TXNL1: variants seen among roughly 807,000 people sequenced by gnomAD.
TXNL1 encodes the protein thioredoxin-like protein 1.
A neutral mutation model predicts 35.5 loss-of-function variants in TXNL1; 14 were observed. The observed-to-expected ratio is 0.39, with a 90% confidence interval of 0.26 to 0.62. The LOEUF is 0.62. Ranked by LOEUF, TXNL1 falls within the 20% of genes least tolerant of loss-of-function variation. The pLI, the probability that TXNL1 is intolerant of heterozygous loss-of-function variation, is 0.47. For missense variants in TXNL1, 263 were observed against 349.7 expected (o/e 0.75, Z 1.98); for synonymous variants, 110 against 115.5 (o/e 0.95, Z 0.31).
chr18:56,623,280 T>C (rs192569357), intron 3 of TXNL1, among the ~76,000 whole-genome samples: 1 of 152,194 alleles, frequency 6.6e-6, no homozygotes, highest in Non-Finnish European at 1.5e-5. Context: ...ATACAAAAAT[T>C]AGCTGGGCAT....
At chr18:56,617,944 A>G in intron 4 of TXNL1, 60 bp downstream of exon 4, 1 of 1,585,482 alleles carries the variant, frequency 6.3e-7, no homozygotes. Context: ...TGGGAACAAG[A>G]AACAAGAGCA....
chr18:56,638,190 G>A (rs1046468578), intron 1 of TXNL1, among the ~76,000 whole-genome samples, 153 bp downstream of exon 1: 3 of 152,230 alleles, frequency 2.0e-5, no homozygotes, highest in African/African-American at 7.2e-5. Flanking sequence ...GTTCACACCC[G>A]AGAAACGAGG....
At chr18:56,637,453 G>C (rs1431060963) in intron 1 of TXNL1, among the ~76,000 whole-genome samples, 1 of 152,204 alleles carries the variant, frequency 6.6e-6, no homozygotes, top group Non-Finnish European at 1.5e-5. Flanking sequence ...GGAGAGATCT[G>C]TGAAACACAC....
intron 1 of TXNL1, among the ~76,000 whole-genome samples, chr18:56,632,364 C>T (rs1256878827): frequency 6.6e-6 from 1 of 152,124 alleles, no homozygotes; most frequent in Admixed American, 6.5e-5. Flanking sequence ...AATCGGCAGG[C>T]TTAATCACAA....
intron 7 of TXNL1, among the ~76,000 whole-genome samples, chr18:56,607,992 A>G (rs879730115): frequency 6.6e-5 from 10 of 152,234 alleles, no homozygotes; most frequent in African/African-American, 1.7e-4. Flanking sequence ...TTGAACCATC[A>G]TAAGTTGGGA....
At chr18:56,604,512 G>A (rs780913085) in intron 7 of TXNL1, 3 of 152,098 alleles carry the variant, frequency 2.0e-5, no homozygotes, top group Non-Finnish European at 4.4e-5. Flanking sequence ...ATTCCAACAT[G>A]GATTGTCATC....
chr18:56,633,756 C>T (rs766306921), intron 1 of TXNL1, among the ~76,000 whole-genome samples: 161 of 151,814 alleles, frequency 1.1e-3, no homozygotes, highest in Non-Finnish European at 1.3e-3. Flanking sequence ...GAGGCCGAGG[C>T]GGGCAGATCA....
In TXNL1 at chr18:56,599,288, A is replaced by C. The variant is rs1298678811; in HGVS notation, c.*3739T>G. 1 of 152,036 alleles carries C rather than the reference A, an allele frequency of 6.6e-6. No individual in the cohort carries two copies. The highest frequency in any genetic ancestry group is 1.5e-5 in the Non-Finnish European group (1 of 68,004). 9.4% of individuals were successfully genotyped at this position (152,036 alleles called of 1,614,324 possible). ...ATAGTGCTGAGCATGTTAAAAAAAA[A>C]AAAAAACCTTATTGATCAAAAATAA... On this transcript the variant is annotated 3_prime_UTR_variant, in exon 8 of 8. Coordinates refer to ENST00000217515, the MANE Select transcript of TXNL1 (RefSeq NM_004786.3).
At chr18:56,637,649 C>G (rs998329623) in intron 1 of TXNL1, among the ~76,000 whole-genome samples, 2 of 152,180 alleles carry the variant, frequency 1.3e-5, no homozygotes, top group African/African-American at 4.8e-5. Context: ...AGAGCCGGGT[C>G]AAACTAAGAC....
intron 7 of TXNL1, chr18:56,609,167 T>C (rs1292958512): frequency 6.6e-6 from 1 of 152,120 alleles, no homozygotes; most frequent in Non-Finnish European, 1.5e-5. Flanking sequence ...CCTTCAATAG[T>C]ATTTAATAAT....
At chr18:56,607,097 T>C (rs968341096) in intron 7 of TXNL1, among the ~76,000 whole-genome samples, 1 of 152,006 alleles carries the variant, frequency 6.6e-6, no homozygotes, top group Non-Finnish European at 1.5e-5. Flanking sequence ...TCAAGCGATC[T>C]TCCCACCTCA....
intron 4 of TXNL1, among the ~76,000 whole-genome samples, chr18:56,616,864 T>A (rs560152845): frequency 1.1e-4 from 17 of 152,176 alleles, no homozygotes; most frequent in Non-Finnish European, 2.1e-4. Flanking sequence ...GAAGGCCACA[T>A]AAGGGAAGAG....
At chr18:56,604,363 A>G (rs2023855737) in intron 7 of TXNL1, 1 of 152,238 alleles carries the variant, frequency 6.6e-6, no homozygotes, top group African/African-American at 2.4e-5. Flanking sequence ...TAGATTAAGC[A>G]AAAGAAAACA....
rs1274875799 is a variant in TXNL1, at chr18:56,598,801, T to C, written c.*4226A>G. 5 of 152,208 alleles carry C rather than the reference T, an allele frequency of 3.3e-5. No homozygotes were observed. The highest frequency in any genetic ancestry group is 7.3e-5 in the Non-Finnish European group (5 of 68,036). 9.4% of individuals were successfully genotyped at this position (152,208 alleles called of 1,614,324 possible). A position where few individuals can be genotyped will look rare whatever the true frequency, so the allele number is the denominator to read the frequency against. On this transcript the variant is annotated 3_prime_UTR_variant, in exon 8 of 8. Coordinates refer to ENST00000217515, the MANE Select transcript of TXNL1 (RefSeq NM_004786.3). ...CAAGTCTAAGAGATAGATGTTCCTA[T>C]TTTTACACAAGAAGAAATTTGAGCT... is the stretch of plus-strand genomic sequence containing the variant.
At chr18:56,636,766 G>A (rs546088893) in intron 1 of TXNL1, among the ~76,000 whole-genome samples, 1 of 152,110 alleles carries the variant, frequency 6.6e-6, no homozygotes. Context: ...CTATGGTAAG[G>A]GAGAAAAACA....
intron 6 of TXNL1, among the ~76,000 whole-genome samples, chr18:56,612,022 T>A (rs2024004418): frequency 6.8e-6 from 1 of 147,458 alleles, no homozygotes; most frequent in South Asian, 2.2e-4. Context: ...CTAATCTTTT[T>A]TTTTTTTTTT....
At chr18:56,616,336 T>G in intron 4 of TXNL1, 22 bp from the exon 5 acceptor site, 1 of 1,606,540 alleles carries the variant, frequency 6.2e-7, no homozygotes. Flanking sequence ...AGAGTTTCAT[T>G]TTAAAGGGCT....
intron 7 of TXNL1, among the ~76,000 whole-genome samples, chr18:56,606,972 A>C: frequency 6.6e-6 from 1 of 152,010 alleles, no homozygotes; most frequent in East Asian, 1.9e-4. Context: ...TTTTATTATT[A>C]GTTGGTGTTA....
chr18:56,607,145 C>T (rs1489394869), intron 7 of TXNL1, among the ~76,000 whole-genome samples: 3 of 143,364 alleles, frequency 2.1e-5, no homozygotes, highest in Admixed American at 7.2e-5. Context: ...GTGCCCACCA[C>T]CTTGCCTGGG....
Sources: gnomAD v4.1 joint callset for allele counts (sites outside exome capture counted in the v4.1 genomes callset) on GRCh38, gnomAD v4.1.1 for gene constraint, MANE v1.5 for transcripts, NCBI Gene and HGNC (gene_info 2026-07-23, HGNC 2026-07-21) for gene names.